The following SMLR1 variants were observed in gnomAD, a reference collection of about 807,000 sequenced individuals.
SMLR1 encodes the protein small leucine rich protein 1, also known as small leucine-rich protein 1.
Under a neutral mutation model 6.1 loss-of-function variants are expected in SMLR1, and 3 were observed. The observed-to-expected ratio is 0.49, with a 90% CI of 0.22 to 1.28. SMLR1 has a LOEUF of 1.28. SMLR1 is among the 50% of genes most tolerant of loss of function. The pLI, the probability that SMLR1 is intolerant of heterozygous loss-of-function variation, is 0.19. For synonymous variants in SMLR1, 55 were observed against 53.6 expected (o/e 1.03, Z -0.11); for missense variants, 126 against 124.8 (o/e 1.01, Z -0.05).
chr6:130,830,404 C>T (rs1774405210), intron 1 of SMLR1, among the ~76,000 whole-genome samples: 1 of 152,068 alleles, frequency 6.6e-6, no homozygotes, highest in Non-Finnish European at 1.5e-5. Context: ...AGTGAGGAGG[C>T]AGAAGGAGCT....
In SMLR1 at chr6:130,836,736, T is replaced by C. The variant is rs1039499841; in HGVS notation, c.*1781T>C. Reference sequence around the variant, plus strand: ...CATGAAGGAACAAGTCCCAAGGGTTTATCATCTGCCTGAAGGCACTGCTAA... The same window carrying C: ...CATGAAGGAACAAGTCCCAAGGGTTCATCATCTGCCTGAAGGCACTGCTAA... On this transcript the variant is annotated 3_prime_UTR_variant, in exon 2 of 2. Transcript: ENST00000541421. 2.0e-5 allele frequency: 3 copies of C among 152,262 alleles called. No homozygotes were observed. The highest frequency in any genetic ancestry group is 4.4e-5 in the Non-Finnish European group (3 of 68,052). The allele number at this position is 152,262 out of a possible 1,614,324, so 9.4% of individuals were successfully genotyped here. A position where few individuals can be genotyped will look rare whatever the true frequency, so the allele number is the denominator to read the frequency against.
rs903389299 is a variant in SMLR1, at chr6:130,827,560, C to A, written c.147C>A (p.Leu49=). 6.5e-6 allele frequency: 10 copies of A among 1,535,822 alleles called. No individual in the cohort carries two copies. The Admixed American group carries it at 2.0e-4, about 30-fold the overall frequency. The change falls in exon 1 of 2, where the codon CTC becomes CTA. Residue 49 remains leucine, a synonymous_variant. Transcript: ENST00000541421. ...SSVLSAFMRE[L]PGWFLFFGVF... is the part of the protein sequence containing the mutation. ...TGCTGTCAGCTTTCATGAGGGAGCTCCCTGGCTGGTTCCTGTTCTTTGGGG... is the reference window on the plus strand; with the variant it reads ...TGCTGTCAGCTTTCATGAGGGAGCTACCTGGCTGGTTCCTGTTCTTTGGGG...
intron 1 of SMLR1, among the ~76,000 whole-genome samples, 158 bp downstream of exon 1, chr6:130,827,809 C>T (rs961894885): frequency 6.6e-6 from 1 of 152,084 alleles, no homozygotes; most frequent in Non-Finnish European, 1.5e-5. Context: ...GTTCCTTGAT[C>T]AATTTGGCCA....
chr6:130,834,632 T>C (rs1373200457), intron 1 of SMLR1, among the ~76,000 whole-genome samples: 1 of 152,102 alleles, frequency 6.6e-6, no homozygotes, highest in African/African-American at 2.4e-5. Context: ...CTCATTACAG[T>C]GGTAGTTTGT....
chr6:130,833,140 C>G (rs1774518868), intron 1 of SMLR1, among the ~76,000 whole-genome samples: 1 of 152,148 alleles, frequency 6.6e-6, no homozygotes, highest in Non-Finnish European at 1.5e-5. Context: ...AATGAAATGA[C>G]AGCCAAATTG....
intron 1 of SMLR1, among the ~76,000 whole-genome samples, chr6:130,829,116 G>A (rs1464818672): frequency 1.3e-5 from 2 of 152,148 alleles, no homozygotes; most frequent in African/African-American, 4.8e-5. Flanking sequence ...GAGACTTCCT[G>A]TAGTTTCCAA....
At position 130,834,888 on chromosome 6, in the gene SMLR1, A is replaced by C; in HGVS notation, c.257A>C (p.Gln86Pro). ...KLIEVNEELS[Q>P]NCDRQHNPKD... ...CTTTCAGTTAATGAAGAACTGTCCC[A>C]GAACTGTGATCGCCAACATAATCCC... Residue 86 changes from glutamine to proline, a missense_variant, in exon 2 of 2, where the codon CAG becomes CCG. Physicochemically the swap from Gln to Pro is moderately conservative, Grantham distance 76. Coordinates refer to ENST00000541421, the MANE Select transcript of SMLR1 (RefSeq NM_001195597.2). 1 of 1,535,282 alleles carries C rather than the reference A, an allele frequency of 6.5e-7. No homozygotes were observed. The highest frequency in any genetic ancestry group is 8.7e-7 in the Non-Finnish European group (1 of 1,146,284).
chr6:130,828,414 A>C (rs2128384131), intron 1 of SMLR1, among the ~76,000 whole-genome samples: 1 of 152,336 alleles, frequency 6.6e-6, no homozygotes, highest in South Asian at 2.1e-4. Flanking sequence ...ATTTTAGCAA[A>C]ATCAACAAAG....
chr6:130,834,817 G>T, intron 1 of SMLR1, 53 bp from the exon 2 acceptor site: 2 of 1,457,872 alleles, frequency 1.4e-6, no homozygotes, highest in South Asian at 1.2e-5. Context: ...AACTCTAAAT[G>T]ACCAATGGCA....
intron 1 of SMLR1, among the ~76,000 whole-genome samples, chr6:130,833,780 T>C (rs1774545110): frequency 1.3e-5 from 2 of 152,150 alleles, no homozygotes; most frequent in Non-Finnish European, 2.9e-5. Flanking sequence ...TTGAGGCCCA[T>C]GTTGTCAGGG....
rs759937328 is a variant in SMLR1 at position 130,827,584 on chromosome 6, G to A, written c.171G>A (p.Gly57=). The A allele has an allele frequency of 5.9e-6, 9 of 1,535,858 alleles. No individual in the cohort carries two copies. The South Asian group carries it at 1.1e-4, about 18-fold the overall frequency. ...RELPGWFLFF[G]VFLPVTLLLL... is the part of the protein sequence containing the mutation. Reference sequence around the variant, plus strand: ...TCCCTGGCTGGTTCCTGTTCTTTGGGGTCTTCCTCCCCGTGACTTTGCTGC... The same window carrying A: ...TCCCTGGCTGGTTCCTGTTCTTTGGAGTCTTCCTCCCCGTGACTTTGCTGC... Residue 57 remains glycine (G), a synonymous_variant, in exon 1 of 2, where the codon GGG becomes GGA. Coordinates refer to ENST00000541421, the MANE Select transcript of SMLR1 (RefSeq NM_001195597.2).
intron 1 of SMLR1, among the ~76,000 whole-genome samples, chr6:130,831,760 G>C (rs567969256): frequency 6.6e-6 from 1 of 152,096 alleles, no homozygotes; most frequent in African/African-American, 2.4e-5. Context: ...TGGCATGTTC[G>C]CAGAACCCCA....
At chr6:130,834,229 T>C (rs975957426) in intron 1 of SMLR1, among the ~76,000 whole-genome samples, 4 of 151,990 alleles carry the variant, frequency 2.6e-5, no homozygotes, top group Non-Finnish European at 5.9e-5. Flanking sequence ...AGCACACAGG[T>C]GGCATACAAT....
chr6:130,827,997 C>G (rs943237143), intron 1 of SMLR1, among the ~76,000 whole-genome samples: 1 of 152,190 alleles, frequency 6.6e-6, no homozygotes, highest in Non-Finnish European at 1.5e-5. Context: ...TCATGGTCTG[C>G]CTTCTTTACA....
In SMLR1 at chr6:130,834,957, G is replaced by A. The variant is rs1312026101; in HGVS notation, c.*2G>A. 1.3e-6 allele frequency: 2 copies of A among 1,535,066 alleles called. No individual in the cohort carries two copies. Among genetic ancestry groups the A allele is most frequent in the East Asian group, 2.4e-5 (1 of 40,902 alleles). ...TACCAGAGAATGAAATGGACGTGAAGTTGGGGACTTTCCAATAACTAAAGC... is the reference window on the plus strand; with the variant it reads ...TACCAGAGAATGAAATGGACGTGAAATTGGGGACTTTCCAATAACTAAAGC... On this transcript the variant is annotated 3_prime_UTR_variant, in exon 2 of 2. Coordinates refer to ENST00000541421, the MANE Select transcript of SMLR1 (RefSeq NM_001195597.2).
intron 1 of SMLR1, among the ~76,000 whole-genome samples, chr6:130,834,509 T>C (rs2128384925): frequency 6.6e-6 from 1 of 152,294 alleles, no homozygotes; most frequent in Non-Finnish European, 1.5e-5. Flanking sequence ...GTCTAAAGAC[T>C]GTAAGTGCCC....
chr6:130,830,552 A>C (rs1774409596), intron 1 of SMLR1, among the ~76,000 whole-genome samples: 2 of 152,200 alleles, frequency 1.3e-5, no homozygotes, highest in African/African-American at 4.8e-5. Flanking sequence ...CTCAGTGAGG[A>C]TGTCAAAGGC....
Position 130,834,899 on chromosome 6 carries a change from C to A in SMLR1, c.268C>A (p.Arg90Ser). 2.6e-6 allele frequency: 4 copies of A among 1,535,282 alleles called. No individual in the cohort carries two copies. The highest frequency in any genetic ancestry group is 3.5e-6 in the Non-Finnish European group (4 of 1,146,348). ...TGAAGAACTGTCCCAGAACTGTGATCGCCAACATAATCCCAAGGATGGCTC... is the reference window on the plus strand; with the variant it reads ...TGAAGAACTGTCCCAGAACTGTGATAGCCAACATAATCCCAAGGATGGCTC... ...VNEELSQNCD[R>S]QHNPKDGSSL... Residue 90 changes from arginine (R) to serine (S), a missense_variant, in exon 2 of 2, where the codon CGC (arginine) becomes AGC (serine). Coordinates refer to ENST00000541421, the MANE Select transcript of SMLR1 (RefSeq NM_001195597.2).
intron 1 of SMLR1, among the ~76,000 whole-genome samples, chr6:130,828,352 G>A (rs1271221985): frequency 6.6e-6 from 1 of 152,158 alleles, no homozygotes; most frequent in Non-Finnish European, 1.5e-5. Context: ...TAGACTATGT[G>A]TTAATACTGT....
Sources: allele counts gnomAD v4.1 joint callset (sites outside exome capture counted in the v4.1 genomes callset), GRCh38; gene constraint gnomAD v4.1.1; transcripts MANE v1.5; gene names NCBI Gene and HGNC (gene_info 2026-07-23, HGNC 2026-07-21).